The following HSPA4L variants were observed in gnomAD, a reference collection of about 807,000 sequenced individuals.
HSPA4L encodes heat shock protein family A (Hsp70) member 4 like.
HSPA4L carries 48 observed loss-of-function variants against 100.3 expected under a neutral mutation model. The ratio of observed to expected loss-of-function variants is 0.48; its 90% CI spans 0.38 to 0.61. HSPA4L has a LOEUF of 0.61. Ranked by LOEUF, HSPA4L falls within the 20% of genes least tolerant of loss-of-function variation. The probability of loss-of-function intolerance (pLI) is 0.00; values close to 1 mark genes in which losing one functional copy is unlikely to be tolerated. For missense variants in HSPA4L, 886 were observed against 988.6 expected (o/e 0.90, Z 1.39); for synonymous variants, 319 against 328.2 (o/e 0.97, Z 0.30).
At chr4:127,802,726 G>A (rs889968275) in intron 6 of HSPA4L, among the ~76,000 whole-genome samples, 3 of 152,070 alleles carry the variant, frequency 2.0e-5, no homozygotes, top group African/African-American at 7.2e-5. Context: ...ATACACACCT[G>A]TACTAGTTAT....
intron 1 of HSPA4L, among the ~76,000 whole-genome samples, chr4:127,791,157 TTAATA>T (rs143473940): frequency 0.023 from 3,577 of 152,230 alleles, 124 homozygotes; most frequent in African/African-American, 0.082. Context: ...GAGATTAATT[TTAATA>T]TATTTTATTT....
Position 127,818,334 on chromosome 4 carries a change from C to A in HSPA4L, c.1588C>A (p.Gln530Lys). The A allele has an allele frequency of 6.2e-7, 1 of 1,605,484 alleles. No individual in the cohort carries two copies. Among genetic ancestry groups the A allele is most frequent in the East Asian group, 2.2e-5 (1 of 44,710 alleles). ...NENKDNMDKM[Q>K]VDQEEGHQKC... ...TGTATTTTCTTTCTAGGATAAAATG[C>A]AGGTTGATCAAGAAGAAGGGCATCA... The change falls in exon 13 of 19, where the codon CAG (glutamine) becomes AAG (lysine). Residue 530 changes from glutamine to lysine, a missense_variant. Physicochemically the swap from Gln to Lys is moderately conservative, Grantham distance 53 (BLOSUM62 1). Coordinates refer to ENST00000296464, the MANE Select transcript of HSPA4L (RefSeq NM_014278.4).
intron 12 of HSPA4L, among the ~76,000 whole-genome samples, chr4:127,817,231 A>G (rs919435735): frequency 6.6e-6 from 1 of 151,952 alleles, no homozygotes; most frequent in Non-Finnish European, 1.5e-5. Context: ...ATGCCTGGCT[A>G]ATTTTTGTAT....
chr4:127,819,094 G>A (rs17012687), intron 13 of HSPA4L, among the ~76,000 whole-genome samples: 12,322 of 152,022 alleles, frequency 0.081, 974 homozygotes, highest in East Asian at 0.26. Context: ...AGGAAAACAT[G>A]TTAGCTGTAC....
Position 127,832,187 on chromosome 4 carries a change from CT to C in HSPA4L, c.2329-493del, listed in dbSNP as rs200474360. Among the ~76,000 whole-genome samples, 701 of 152,212 alleles carry C rather than the reference CT, an allele frequency of 4.6e-3. 6 individuals carry two copies. Among genetic ancestry groups the C allele is most frequent in the African/African-American group, 0.016 (670 of 41,554 alleles). ...ATTTAAATTATTAAGTTCCAATTTACTTTCACGGCACTTTTTCCTTCAGGAG... is the reference window on the plus strand; with the variant it reads ...ATTTAAATTATTAAGTTCCAATTTACTTCACGGCACTTTTTCCTTCAGGAG... On this transcript the variant is annotated intron_variant, in intron 18 of 18. Transcript: ENST00000296464.
In HSPA4L at chr4:127,833,237, G is replaced by A. The variant is rs1365710244; in HGVS notation, c.*363G>A. On this transcript the variant is annotated 3_prime_UTR_variant, in exon 19 of 19. Transcript: ENST00000296464. ...ACTTTATTGCATTATTGTTGCAGAA[G>A]CATAGATTTAATTGCATCTTTATTT... 6.0e-6 allele frequency: 1 copy of A among 167,408 alleles called. No individual in the cohort carries two copies. Among genetic ancestry groups the A allele is most frequent in the Non-Finnish European group, 1.3e-5 (1 of 78,310 alleles). The allele number at this position is 167,408 out of a possible 1,614,324, so 10.4% of individuals were successfully genotyped here. A position where few individuals can be genotyped will look rare whatever the true frequency, so the allele number is the denominator to read the frequency against.
chr4:127,786,187 G>A (rs17012637), intron 1 of HSPA4L, among the ~76,000 whole-genome samples: 4,557 of 151,830 alleles, frequency 0.03, 296 homozygotes, highest in East Asian at 0.26. Context: ...TTTTTTTTCC[G>A]TAAGAAGCCT....
intron 12 of HSPA4L, among the ~76,000 whole-genome samples, chr4:127,814,315 T>C (rs1733616856): frequency 6.6e-6 from 1 of 152,216 alleles, no homozygotes; most frequent in South Asian, 2.1e-4. Context: ...AATATTTCTT[T>C]TACAATGTAT....
intron 11 of HSPA4L, chr4:127,809,390 T>G: frequency 1.6e-6 from 2 of 1,214,708 alleles, no homozygotes; most frequent in Non-Finnish European, 2.4e-6. Flanking sequence ...AGCATGCTCA[T>G]GCACATTCAT....
chr4:127,817,081 T>C lies in HSPA4L; in HGVS notation c.1579-1244T>C, dbSNP rs948142749. 2.6e-4 allele frequency among the ~76,000 whole-genome samples: 39 copies of C among 152,298 alleles called. No homozygotes were observed. In the East Asian group the frequency reaches 5.6e-3, roughly 22 times the overall value. On this transcript the variant is annotated intron_variant, in intron 12 of 18. Transcript: ENST00000296464. ...TCAAAAATAATTGATTTTTTTTTAA[T>C]TTGAGACAGAGTCTTGCTCTGTCAT...
rs146600325 is a variant in HSPA4L at position 127,808,093 on chromosome 4, A to C, written c.1342A>C (p.Asn448His). The stretch of plus-strand genomic sequence containing the variant: ...ATTTGAACTAGAAGCATTTTATACT[A>C]ATTTACATGAAGTGCCTTATCCTGA... ...EPFELEAFYT[N>H]LHEVPYPDAR... Residue 448 changes from asparagine (N) to histidine (H), a missense_variant, in exon 11 of 19, where the codon AAT becomes CAT. Asn to His is a moderately conservative substitution (Grantham distance 68, BLOSUM62 1). Transcript: ENST00000296464. The C allele has an allele frequency of 1.6e-5, 26 of 1,611,850 alleles. No homozygotes were observed. The highest frequency in any genetic ancestry group is 2.2e-5 in the Non-Finnish European group (26 of 1,179,020).
intron 6 of HSPA4L, 110 bp downstream of exon 6, chr4:127,802,028 C>G (rs749476950): frequency 5.4e-6 from 4 of 734,976 alleles, no homozygotes; most frequent in Non-Finnish European, 8.5e-6. Context: ...TGACCTCAAG[C>G]AAGTTACTTA....
chr4:127,828,170 A>T (rs913293621), intron 17 of HSPA4L, among the ~76,000 whole-genome samples: 3 of 152,064 alleles, frequency 2.0e-5, no homozygotes, highest in Non-Finnish European at 4.4e-5. Flanking sequence ...GTTCCCAAAA[A>T]CTTTATTTAA....
chr4:127,812,051 G>T (rs968729440), intron 12 of HSPA4L, among the ~76,000 whole-genome samples: 1 of 152,004 alleles, frequency 6.6e-6, no homozygotes, highest in African/African-American at 2.4e-5. Flanking sequence ...ATTTTTCAGG[G>T]TTTATTTGGG....
Position 127,839,930 on chromosome 4 carries a change from C to T in HSPA4L, c.*7056C>T, listed in dbSNP as rs762119420. 2 of 152,062 alleles carry T rather than the reference C, an allele frequency of 1.3e-5. No individual in the cohort carries two copies. Among genetic ancestry groups the T allele is most frequent in the Non-Finnish European group, 2.9e-5 (2 of 68,028 alleles). 9.4% of individuals were successfully genotyped at this position (152,062 alleles called of 1,614,324 possible). A position where few individuals can be genotyped will look rare whatever the true frequency, so the allele number is the denominator to read the frequency against. ...AGTATTCCTAATATGGCATCCAGGT[C>T]ATCTTTTCTTTTCTCCAACCATTAT... On this transcript the variant is annotated 3_prime_UTR_variant, in exon 19 of 19. Coordinates refer to ENST00000296464, the MANE Select transcript of HSPA4L (RefSeq NM_014278.4).
At chr4:127,818,299 T>A (rs1733724678) in intron 12 of HSPA4L, 26 bp from the exon 13 acceptor site, 1 of 1,482,520 alleles carries the variant, frequency 6.7e-7, no homozygotes, top group Non-Finnish European at 9.4e-7. Context: ...ACTGCGTATA[T>A]TATCAATTAT....
intron 18 of HSPA4L, among the ~76,000 whole-genome samples, chr4:127,831,118 A>G (rs1224676810): frequency 6.6e-6 from 1 of 152,172 alleles, no homozygotes; most frequent in Non-Finnish European, 1.5e-5. Context: ...TTTCAGTATA[A>G]GTCTGTCTTT....
intron 15 of HSPA4L, 119 bp from the exon 16 acceptor site, chr4:127,823,398 C>G: frequency 1.5e-6 from 1 of 650,540 alleles, no homozygotes; most frequent in South Asian, 2.1e-5. Context: ...ATCCTCCCAC[C>G]TTGGCCTTTC....
At chr4:127,813,928 G>C (rs1733607835) in intron 12 of HSPA4L, among the ~76,000 whole-genome samples, 1 of 152,208 alleles carries the variant, frequency 6.6e-6, no homozygotes, top group African/African-American at 2.4e-5. Context: ...ACAGGTGTGA[G>C]CCACTGCGCC....
Sources: allele counts gnomAD v4.1 joint callset (sites outside exome capture counted in the v4.1 genomes callset), GRCh38; gene constraint gnomAD v4.1.1; transcripts MANE v1.5; gene names NCBI Gene and HGNC (gene_info 2026-07-23, HGNC 2026-07-21).